The following RFX3 variants were observed in gnomAD, a reference collection of about 807,000 sequenced individuals.
The protein encoded by RFX3 is transcription factor RFX3.
In RFX3, 14 loss-of-function variants were observed where a neutral mutation model predicts 98.6. The ratio of observed to expected loss-of-function variants is 0.14; its 90% confidence interval spans 0.09 to 0.22. RFX3 has a LOEUF of 0.22. Ranked by LOEUF, RFX3 falls within the 10% of genes least tolerant of loss-of-function variation. The probability of loss-of-function intolerance (pLI) is 1.00; values close to 1 mark genes in which losing one functional copy is unlikely to be tolerated. For synonymous variants in RFX3, 383 were observed against 328.4 expected (o/e 1.17, Z -1.80); for missense variants, 639 against 926.9 (o/e 0.69, Z 4.03).
intron 3 of RFX3, chr9:3,344,591 T>C: frequency 2.0e-6 from 1 of 496,818 alleles, no homozygotes; most frequent in East Asian, 3.5e-5. Flanking sequence ...ACTCTCTCAA[T>C]ACCCATTTCA....
intron 1 of RFX3, among the ~76,000 whole-genome samples, chr9:3,500,794 G>A (rs896039731): frequency 3.3e-5 from 5 of 152,138 alleles, no homozygotes; most frequent in African/African-American, 9.7e-5. Flanking sequence ...CACAAGGCAC[G>A]TGTTAGGCAA....
chr9:3,483,865 C>T (rs1850024879), intron 1 of RFX3, among the ~76,000 whole-genome samples: 1 of 152,030 alleles, frequency 6.6e-6, no homozygotes, highest in Non-Finnish European at 1.5e-5. Context: ...TGGGAATTTA[C>T]CTCATGTCTT....
chr9:3,265,727 C>A (rs1483360417), intron 12 of RFX3, among the ~76,000 whole-genome samples: 1 of 152,048 alleles, frequency 6.6e-6, no homozygotes, highest in Non-Finnish European at 1.5e-5. Context: ...AAGCATTCTC[C>A]AGTGTTTAGA....
chr9:3,254,259 T>A (rs1821808855), intron 14 of RFX3, among the ~76,000 whole-genome samples: 1 of 145,040 alleles, frequency 6.9e-6, no homozygotes, highest in Admixed American at 6.9e-5. Context: ...TAAAATGACA[T>A]CAACTAAATA....
At chr9:3,336,315 A>T (rs1400387143) in intron 3 of RFX3, among the ~76,000 whole-genome samples, 1 of 152,122 alleles carries the variant, frequency 6.6e-6, no homozygotes, top group African/African-American at 2.4e-5. Flanking sequence ...GACCTCTACT[A>T]TTATTAGGGC....
At chr9:3,488,520 T>A (rs891521487) in intron 1 of RFX3, among the ~76,000 whole-genome samples, 4 of 152,120 alleles carry the variant, frequency 2.6e-5, no homozygotes, top group Admixed American at 6.5e-5. Flanking sequence ...GTTTGAGAAA[T>A]ATAATAAAAC....
At chr9:3,509,265 T>C (rs773817170) in intron 1 of RFX3, among the ~76,000 whole-genome samples, 6 of 151,978 alleles carry the variant, frequency 3.9e-5, no homozygotes, top group Non-Finnish European at 7.4e-5. Flanking sequence ...GTACCACCTA[T>C]ATCAGCTGCC....
intron 2 of RFX3, among the ~76,000 whole-genome samples, chr9:3,368,472 CAT>C (rs1259277374): frequency 1.3e-5 from 2 of 151,978 alleles, no homozygotes; most frequent in Admixed American, 6.6e-5. Flanking sequence ...CTGAGAACAA[CAT>C]AGTTAAGTTT....
intron 2 of RFX3, among the ~76,000 whole-genome samples, chr9:3,376,774 G>T (rs1384891374): frequency 6.6e-6 from 1 of 152,096 alleles, no homozygotes; most frequent in East Asian, 1.9e-4. Context: ...CCATCAAAAA[G>T]TGGGCAAAGG....
Position 3,221,338 on chromosome 9 carries a change from A to G in RFX3, c.*3704T>C, listed in dbSNP as rs1192616223. Reference sequence around the variant, plus strand: ...AAAGATTCATGATTACGGCACTAAAACCGTATTCATTCCTGAATAACTTTT... The same window carrying G: ...AAAGATTCATGATTACGGCACTAAAGCCGTATTCATTCCTGAATAACTTTT... On this transcript the variant is annotated 3_prime_UTR_variant, in exon 17 of 17. Coordinates refer to ENST00000617270, the MANE Select transcript of RFX3 (RefSeq NM_001282116.2). The G allele has an allele frequency of 6.6e-6, 1 of 152,166 alleles. No homozygotes were observed. The highest frequency in any genetic ancestry group is 1.5e-5 in the Non-Finnish European group (1 of 68,024). The allele number at this position is 152,166 out of a possible 1,614,324, so 9.4% of individuals were successfully genotyped here. A position where few individuals can be genotyped will look rare whatever the true frequency, so the allele number is the denominator to read the frequency against.
chr9:3,377,801 T>C (rs1007862325), intron 2 of RFX3, among the ~76,000 whole-genome samples: 2 of 152,184 alleles, frequency 1.3e-5, no homozygotes, highest in Non-Finnish European at 2.9e-5. Context: ...TATACAGGTA[T>C]ATATGTTTGC....
At chr9:3,226,799 A>C (rs546686666) in intron 16 of RFX3, among the ~76,000 whole-genome samples, 1 of 152,304 alleles carries the variant, frequency 6.6e-6, no homozygotes, top group East Asian at 1.9e-4. Flanking sequence ...TATACATAAA[A>C]CAACAATGTC....
At chr9:3,333,682 T>G (rs926582648) in intron 3 of RFX3, among the ~76,000 whole-genome samples, 1 of 152,164 alleles carries the variant, frequency 6.6e-6, no homozygotes, top group Non-Finnish European at 1.5e-5. Flanking sequence ...CAATCTAATG[T>G]TGATATTTAA....
At chr9:3,479,202 A>C (rs1186498089) in intron 1 of RFX3, among the ~76,000 whole-genome samples, 1 of 152,150 alleles carries the variant, frequency 6.6e-6, no homozygotes, top group African/African-American at 2.4e-5. Context: ...ATGATTTTCA[A>C]TTCATACTCC....
At chr9:3,474,772 A>C (rs112631233) in intron 1 of RFX3, among the ~76,000 whole-genome samples, 3,389 of 152,266 alleles carry the variant, frequency 0.022, 140 homozygotes, top group African/African-American at 0.078. Flanking sequence ...TTAGAACCCT[A>C]ATCAATCTAA....
At chr9:3,505,240 T>G (rs948060641) in intron 1 of RFX3, among the ~76,000 whole-genome samples, 95 of 84,162 alleles carry the variant, frequency 1.1e-3, no homozygotes, top group Non-Finnish European at 1.4e-3. Flanking sequence ...GAATATATAT[T>G]TATATATATA....
chr9:3,488,583 A>G (rs1850468446), intron 1 of RFX3, among the ~76,000 whole-genome samples: 1 of 152,186 alleles, frequency 6.6e-6, no homozygotes, highest in African/African-American at 2.4e-5. Flanking sequence ...AAGTCCCTTT[A>G]AATATACTAC....
rs1189318751 is a variant in RFX3, at chr9:3,225,178, A to G, written c.2114T>C (p.Val705Ala). 1.9e-6 allele frequency: 3 copies of G among 1,613,968 alleles called. No homozygotes were observed. Among genetic ancestry groups the G allele is most frequent in the Non-Finnish European group, 2.5e-6 (3 of 1,179,938 alleles). Reference protein sequence around the residue: ...EKTELSQAFPVGCMQPVLETG... With the variant: ...EKTELSQAFPAGCMQPVLETG... ...CTCGAGAACAGGCTGCATGCAGCCC[A>G]CTGGAAATGCCTGGCTCAGCTCTGT... The change falls in exon 17 of 17, where the codon GTG (valine) becomes GCG (alanine). Residue 705 changes from valine to alanine, a missense_variant. Coordinates refer to ENST00000617270, the MANE Select transcript of RFX3 (RefSeq NM_001282116.2).
intron 4 of RFX3, among the ~76,000 whole-genome samples, chr9:3,304,674 G>C (rs576123894): frequency 6.6e-6 from 1 of 151,996 alleles, no homozygotes; most frequent in Non-Finnish European, 1.5e-5. Flanking sequence ...CTTTTGCTTG[G>C]CTCTCATTCT....
Sources: allele counts gnomAD v4.1 joint callset (sites outside exome capture counted in the v4.1 genomes callset), GRCh38; gene constraint gnomAD v4.1.1; transcripts MANE v1.5; gene names NCBI Gene and HGNC (gene_info 2026-07-23, HGNC 2026-07-21).